CSMD1: variants seen among roughly 807,000 people sequenced by gnomAD.
The protein encoded by CSMD1 is CUB and sushi domain-containing protein 1.
A neutral mutation model predicts 417.5 loss-of-function variants in CSMD1; 213 were observed. That is an observed-to-expected ratio of 0.51 (90% confidence interval 0.46 to 0.57). The LOEUF is 0.57. Ranked by LOEUF, CSMD1 falls within the 20% of genes least tolerant of loss-of-function variation. The probability of loss-of-function intolerance (pLI) is 0.00; values close to 1 mark genes in which losing one functional copy is unlikely to be tolerated. For synonymous variants in CSMD1, 2,862 were observed against 1,736.8 expected, an observed-to-expected ratio of 1.65 and a Z score of -16.11; for missense variants, 6,923 against 4,529.7, an observed-to-expected ratio of 1.53 and a Z score of -15.17.
At chr8:3,497,097 G>C (rs187009765) in intron 10 of CSMD1, among the ~76,000 whole-genome samples, 2 of 152,290 alleles carry the variant, frequency 1.3e-5, no homozygotes, top group South Asian at 2.1e-4. Flanking sequence ...ACCATGTACT[G>C]ATGAGAAAAA....
chr8:4,709,818 G>C (rs1422455396), intron 1 of CSMD1, among the ~76,000 whole-genome samples: 1 of 152,140 alleles, frequency 6.6e-6, no homozygotes, highest in Non-Finnish European at 1.5e-5. Flanking sequence ...AAAGAGCACA[G>C]TGTCCAGTCG....
intron 5 of CSMD1, among the ~76,000 whole-genome samples, chr8:3,777,472 C>T (rs753316077): frequency 1.3e-5 from 2 of 152,164 alleles, no homozygotes; most frequent in Non-Finnish European, 2.9e-5. Context: ...ATTCTGGTGT[C>T]CTGCTACTCT....
intron 23 of CSMD1, among the ~76,000 whole-genome samples, chr8:3,337,600 G>C (rs542191585): frequency 2.0e-5 from 3 of 152,274 alleles, no homozygotes; most frequent in Admixed American, 2.0e-4. Flanking sequence ...TACAGGGAAT[G>C]CATATCCACA....
At chr8:4,862,796 C>A (rs538871711) in intron 1 of CSMD1, among the ~76,000 whole-genome samples, 1 of 152,026 alleles carries the variant, frequency 6.6e-6, no homozygotes, top group African/African-American at 2.4e-5. Context: ...CCGGTGACAG[C>A]CTAAAGGGAT....
rs1554468222 is a variant in CSMD1 at position 2,944,854 on chromosome 8, T to TTA, written c.10403-2251_10403-2250insTA. Among the ~76,000 whole-genome samples the TTA allele has an allele frequency of 1.0e-3, 152 of 152,094 alleles. 1 individual carries two copies. Among genetic ancestry groups the TTA allele is most frequent in the African/African-American group, 3.5e-3 (147 of 41,518 alleles). On this transcript the variant is annotated intron_variant, in intron 68 of 69. Coordinates refer to ENST00000635120, the MANE Select transcript of CSMD1 (RefSeq NM_033225.6). The stretch of plus-strand genomic sequence containing the variant: ...TTACATTAACCACAGTTACTTTTTT[T>TTA]AATCTGAAAACAAAGCTACATACTT...
chr8:4,234,007 G>C (rs1371682873), intron 3 of CSMD1, among the ~76,000 whole-genome samples: 1 of 152,106 alleles, frequency 6.6e-6, no homozygotes, highest in African/African-American at 2.4e-5. Flanking sequence ...TTCTGCCTGA[G>C]AGGTTCTGGC....
At chr8:4,204,664 T>C (rs1799872589) in intron 3 of CSMD1, among the ~76,000 whole-genome samples, 1 of 152,096 alleles carries the variant, frequency 6.6e-6, no homozygotes, top group Admixed American at 6.5e-5. Context: ...TTATTATTAG[T>C]AGTATTTTGA....
intron 3 of CSMD1, among the ~76,000 whole-genome samples, chr8:4,157,002 T>C (rs1332148019): frequency 6.6e-6 from 1 of 152,022 alleles, no homozygotes; most frequent in Non-Finnish European, 1.5e-5. Context: ...TGATATTAAG[T>C]AGGGGTGGTG....
intron 28 of CSMD1, among the ~76,000 whole-genome samples, chr8:3,222,694 A>T (rs937450091): frequency 6.6e-6 from 1 of 152,174 alleles, no homozygotes; most frequent in Non-Finnish European, 1.5e-5. Context: ...AACATTAACA[A>T]AACCCACATA....
intron 1 of CSMD1, among the ~76,000 whole-genome samples, chr8:4,656,215 G>A (rs1392423926): frequency 1.3e-5 from 2 of 152,058 alleles, no homozygotes; most frequent in East Asian, 1.9e-4. Context: ...AAGGGAATAT[G>A]GCTGTGGAAA....
chr8:4,038,241 T>G (rs1426545993), intron 3 of CSMD1, among the ~76,000 whole-genome samples: 1 of 152,118 alleles, frequency 6.6e-6, no homozygotes, highest in South Asian at 2.1e-4. Flanking sequence ...ATGGGAACAA[T>G]GTGAATAAAT....
chr8:3,031,964 GTA>G (rs35808593), intron 50 of CSMD1, among the ~76,000 whole-genome samples: 6,330 of 135,496 alleles, frequency 0.047, 462 homozygotes, highest in African/African-American at 0.17. Context: ...CTATATGTGT[GTA>G]TGTGTGTGTA....
intron 6 of CSMD1, among the ~76,000 whole-genome samples, chr8:3,738,409 G>C (rs1482009147): frequency 6.6e-6 from 1 of 152,172 alleles, no homozygotes; most frequent in East Asian, 1.9e-4. Context: ...ATGCATGGTG[G>C]TTGTCACACC....
At chr8:3,336,757 G>A (rs931213607) in intron 23 of CSMD1, among the ~76,000 whole-genome samples, 1 of 152,076 alleles carries the variant, frequency 6.6e-6, no homozygotes, top group East Asian at 1.9e-4. Context: ...TCAGAGTCCC[G>A]CCCCCAGCTG....
intron 2 of CSMD1, among the ~76,000 whole-genome samples, chr8:4,440,208 T>G (rs1406775260): frequency 6.6e-6 from 1 of 152,208 alleles, no homozygotes; most frequent in Non-Finnish European, 1.5e-5. Context: ...CAGCAACCTT[T>G]TGAAATATGC....
In CSMD1 at chr8:4,542,783, T is replaced by C. The variant is rs528797940; in HGVS notation, c.302+94559A>G. The stretch of plus-strand genomic sequence containing the variant: ...AAAGTAAACATATGGTAGCCATACA[T>C]ATTTTAAAATATTCAAGAAATATAA... On this transcript the variant is annotated intron_variant, in intron 2 of 69. Transcript: ENST00000635120. 2.6e-5 allele frequency among the ~76,000 whole-genome samples: 4 copies of C among 152,328 alleles called. No homozygotes were observed. The South Asian group carries it at 6.2e-4, about 24-fold the overall frequency.
intron 10 of CSMD1, among the ~76,000 whole-genome samples, chr8:3,516,259 T>C (rs1178637060): frequency 6.6e-5 from 10 of 152,222 alleles, no homozygotes; most frequent in Admixed American, 6.5e-4. Flanking sequence ...TCACCAGCTG[T>C]GCATAGGTAT....
chr8:3,485,652 C>T (rs568287551), intron 11 of CSMD1, among the ~76,000 whole-genome samples: 25 of 151,766 alleles, frequency 1.6e-4, no homozygotes, highest in African/African-American at 5.8e-4. Flanking sequence ...CCCAGCTACT[C>T]CTGAGACTGA....
intron 6 of CSMD1, among the ~76,000 whole-genome samples, chr8:3,728,029 A>T (rs1316470689): frequency 2.6e-5 from 4 of 152,164 alleles, no homozygotes; most frequent in Non-Finnish European, 5.9e-5. Flanking sequence ...GACTGTATTC[A>T]ATGCCCCTGA....
Sources: gnomAD v4.1 joint callset for allele counts (sites outside exome capture counted in the v4.1 genomes callset) on GRCh38, gnomAD v4.1.1 for gene constraint, MANE v1.5 for transcripts, NCBI Gene and HGNC (gene_info 2026-07-23, HGNC 2026-07-21) for gene names.